The following TCF20 variants were observed in gnomAD, a reference collection of about 807,000 sequenced individuals.
The protein encoded by TCF20 is SPRE-binding protein.
TCF20 carries 3 observed loss-of-function variants against 148.6 expected under a neutral mutation model. That is an observed-to-expected ratio of 0.02 (90% CI 0.01 to 0.05). TCF20 has a LOEUF of 0.05. Among genes scored for constraint, TCF20 ranks in the 10% least tolerant of loss-of-function variants. The pLI is 1.00. For synonymous variants in TCF20, 1,049 were observed against 909.5 expected (o/e 1.15, Z -2.76); for missense variants, 2,350 against 2,429.3 (o/e 0.97, Z 0.69).
intron 1 of TCF20, among the ~76,000 whole-genome samples, chr22:42,335,771 G>A (rs1472048336): frequency 6.6e-6 from 1 of 152,154 alleles, no homozygotes; most frequent in East Asian, 1.9e-4. Flanking sequence ...GAGCCAGTAG[G>A]GTGGCAAGGG....
At chr22:42,342,200 A>G (rs1256813722) in intron 1 of TCF20, among the ~76,000 whole-genome samples, 1 of 152,086 alleles carries the variant, frequency 6.6e-6, no homozygotes, top group Non-Finnish European at 1.5e-5. Context: ...ATTTAAAATG[A>G]TAGCTTTGGC....
chr22:42,162,468 T>C (rs916001378), intron 5 of TCF20, among the ~76,000 whole-genome samples: 5 of 152,154 alleles, frequency 3.3e-5, no homozygotes, highest in Non-Finnish European at 7.3e-5. Flanking sequence ...CAGAAGGGGA[T>C]TCTGATGGCC....
In TCF20 at chr22:42,270,440, G is replaced by C. The variant is rs1355427170; in HGVS notation, c.-138C>G. Among the ~76,000 whole-genome samples, 2 of 145,398 alleles carry C rather than the reference G, an allele frequency of 1.4e-5. No homozygotes were observed. Among genetic ancestry groups the C allele is most frequent in the African/African-American group, 5.0e-5 (2 of 40,334 alleles). ...CGCTGCGCGGGGTGGGGGTGGGGGTGGCTCCGCCGCCTCCAGCTCGGGCGC... is the reference window on the plus strand; with the variant it reads ...CGCTGCGCGGGGTGGGGGTGGGGGTCGCTCCGCCGCCTCCAGCTCGGGCGC... On this transcript the variant is annotated 5_prime_UTR_variant, in exon 1 of 6. Coordinates refer to ENST00000677622, the MANE Select transcript of TCF20 (RefSeq NM_001378418.1).
At chr22:42,201,896 C>T (rs909094073) in intron 2 of TCF20, among the ~76,000 whole-genome samples, 7 of 152,134 alleles carry the variant, frequency 4.6e-5, no homozygotes, top group Non-Finnish European at 1.5e-5. Flanking sequence ...ACTTAACATG[C>T]AAGGTAGATT....
At chr22:42,323,607 G>A (rs1486745866) in intron 1 of TCF20, among the ~76,000 whole-genome samples, 1 of 151,834 alleles carries the variant, frequency 6.6e-6, no homozygotes, top group African/African-American at 2.4e-5. Flanking sequence ...AAGGCTGGAA[G>A]CAGGAAGTGC....
chr22:42,257,172 A>G (rs1255701295), intron 1 of TCF20, among the ~76,000 whole-genome samples: 2 of 152,164 alleles, frequency 1.3e-5, no homozygotes, highest in African/African-American at 4.8e-5. Context: ...AAATTAAAAT[A>G]AAACCCTCCA....
In TCF20 at chr22:42,213,341, T is replaced by C; in HGVS notation, c.1965A>G (p.Pro655=). Residue 655 remains proline, a synonymous_variant, in exon 2 of 6, where the codon CCA becomes CCG. Transcript: ENST00000677622. ...KETSHASLPQ[P]EPPGGGGSKG... The stretch of plus-strand genomic sequence containing the variant: ...TGCTCCCTCCTCCTCCTGGAGGCTC[T>C]GGCTGGGGAAGTGATGCATGACTGG... 6.2e-7 allele frequency: 1 copy of C among 1,614,204 alleles called. No individual in the cohort carries two copies. The highest frequency in any genetic ancestry group is 1.1e-5 in the South Asian group (1 of 91,080).
chr22:42,199,840 T>C (rs913009818), intron 2 of TCF20, among the ~76,000 whole-genome samples: 2 of 148,946 alleles, frequency 1.3e-5, no homozygotes, highest in African/African-American at 5.0e-5. Flanking sequence ...AGAGTGACTC[T>C]GTCCAAAAAA....
chr22:42,236,459 A>G (rs1923895426), intron 1 of TCF20, among the ~76,000 whole-genome samples: 1 of 152,130 alleles, frequency 6.6e-6, no homozygotes, highest in Non-Finnish European at 1.5e-5. Context: ...TTCTTAATCT[A>G]TATGGCAAGA....
At position 42,191,664 on chromosome 22, in the gene TCF20, A is replaced by G. The variant is rs144557704; in HGVS notation, c.5656-11962T>C. On this transcript the variant is annotated intron_variant, in intron 2 of 5. Transcript: ENST00000677622. The stretch of plus-strand genomic sequence containing the variant: ...TCAGAGGGTTTCTTTTATAGCCCCA[A>G]AAGAAAATTGCCACTGTGCTGAAAA... 5.7e-4 allele frequency among the ~76,000 whole-genome samples: 87 copies of G among 152,340 alleles called. No homozygotes were observed. The Middle Eastern group carries it at 0.017, about 30-fold the overall frequency.
intron 1 of TCF20, among the ~76,000 whole-genome samples, chr22:42,333,573 C>T (rs554199588): frequency 1.3e-5 from 2 of 152,376 alleles, no homozygotes; most frequent in East Asian, 3.9e-4. Flanking sequence ...CAGTGGTCCC[C>T]ACCTGCCTCA....
chr22:42,168,754 AAG>A lies in TCF20; in HGVS notation c.5800-20_5800-19del, dbSNP rs749571884. On this transcript the variant is annotated intron_variant, in intron 4 of 5. Transcript: ENST00000677622. ...AGGGGAGGCTGACACGGGCAAAACC[AAG>A]AGGAGACAGACAGGTGGGAGAGGAC... The A allele has an allele frequency of 1.9e-6, 3 of 1,600,810 alleles. No individual in the cohort carries two copies. The South Asian group carries it at 3.4e-5, about 18-fold the overall frequency.
intron 1 of TCF20, among the ~76,000 whole-genome samples, chr22:42,304,972 T>C (rs1166865356): frequency 1.3e-5 from 2 of 152,038 alleles, no homozygotes; most frequent in African/African-American, 2.4e-5. Flanking sequence ...TCTCTACAGC[T>C]TGTGCTCTTT....
intron 1 of TCF20, among the ~76,000 whole-genome samples, chr22:42,314,599 C>T (rs1490278970): frequency 1.3e-5 from 2 of 152,058 alleles, no homozygotes; most frequent in Non-Finnish European, 2.9e-5. Flanking sequence ...CCAGGAGGCC[C>T]AAGCCAAGGG....
At chr22:42,218,817 C>CTGT (rs34979382) in intron 1 of TCF20, among the ~76,000 whole-genome samples, 27,109 of 151,650 alleles carry the variant, frequency 0.18, 2,652 homozygotes, top group East Asian at 0.34. Context: ...CTTCTTAGGT[C>CTGT]TGTTCTCAGC....
chr22:42,172,194 C>T (rs964771924), intron 3 of TCF20, among the ~76,000 whole-genome samples: 3 of 152,210 alleles, frequency 2.0e-5, no homozygotes, highest in Non-Finnish European at 4.4e-5. Context: ...GTCCACAGGC[C>T]GTCAGGAAGC....
chr22:42,218,657 GA>G (rs922300538), intron 1 of TCF20, among the ~76,000 whole-genome samples: 48 of 152,258 alleles, frequency 3.2e-4, no homozygotes, highest in African/African-American at 1.0e-3. Context: ...TCAGGCTTCT[GA>G]AGATCTGAGT....
intron 2 of TCF20, among the ~76,000 whole-genome samples, chr22:42,200,102 T>C (rs1937898941): frequency 6.6e-6 from 1 of 152,254 alleles, no homozygotes; most frequent in African/African-American, 2.4e-5. Flanking sequence ...TAAAATGCTG[T>C]ATTAGAATCT....
intron 1 of TCF20, among the ~76,000 whole-genome samples, chr22:42,252,806 G>A (rs1304018955): frequency 4.0e-5 from 6 of 151,866 alleles, no homozygotes; most frequent in African/African-American, 7.3e-5. Flanking sequence ...ATTTTTAAAC[G>A]TATATAATTA....
Sources: gnomAD v4.1 joint callset for allele counts (sites outside exome capture counted in the v4.1 genomes callset) on GRCh38, gnomAD v4.1.1 for gene constraint, MANE v1.5 for transcripts, NCBI Gene and HGNC (gene_info 2026-07-23, HGNC 2026-07-21) for gene names.